DGCR2: variants seen among roughly 807,000 people sequenced by gnomAD.
DGCR2 encodes the protein integral membrane protein DGCR2/IDD.
In DGCR2, 24 loss-of-function variants were observed where a neutral mutation model predicts 51.6. The ratio of observed to expected loss-of-function variants is 0.47; its 90% CI spans 0.34 to 0.65. The LOEUF (loss-of-function observed/expected upper bound fraction) is 0.65. Ranked by LOEUF, DGCR2 falls within the 30% of genes least tolerant of loss-of-function variation. DGCR2 has a pLI of 0.01. For missense variants in DGCR2, 765 were observed against 772.1 expected (o/e 0.99, Z 0.11); for synonymous variants, 340 against 315.4 (o/e 1.08, Z -0.82).
intron 1 of DGCR2, among the ~76,000 whole-genome samples, chr22:19,109,120 C>T (rs2083289172): frequency 6.6e-6 from 1 of 152,134 alleles, no homozygotes; most frequent in Admixed American, 6.5e-5. Flanking sequence ...AGGATAGCCA[C>T]TGTCAAAAAC....
At chr22:19,043,819 C>T (rs895718592) in intron 7 of DGCR2, among the ~76,000 whole-genome samples, 2 of 152,210 alleles carry the variant, frequency 1.3e-5, no homozygotes, top group African/African-American at 4.8e-5. Flanking sequence ...CAGATGGCAG[C>T]GCCAGCTCCT....
chr22:19,098,585 C>T (rs987857451), intron 1 of DGCR2, among the ~76,000 whole-genome samples: 5 of 152,050 alleles, frequency 3.3e-5, no homozygotes, highest in African/African-American at 4.8e-5. Context: ...ATTTTACATA[C>T]ATGTAAATGT....
chr22:19,108,811 C>G (rs2083285792), intron 1 of DGCR2, among the ~76,000 whole-genome samples: 1 of 149,710 alleles, frequency 6.7e-6, no homozygotes, highest in South Asian at 2.1e-4. Flanking sequence ...TGCTTGAGCC[C>G]AGGAGCTCAA....
intron 1 of DGCR2, among the ~76,000 whole-genome samples, chr22:19,112,136 G>C (rs1476192021): frequency 6.6e-6 from 1 of 151,894 alleles, no homozygotes; most frequent in Non-Finnish European, 1.5e-5. Context: ...ATCTGGGCGT[G>C]GTGGCACGCA....
At chr22:19,114,912 G>A (rs2083357602) in intron 1 of DGCR2, among the ~76,000 whole-genome samples, 1 of 152,192 alleles carries the variant, frequency 6.6e-6, no homozygotes, top group South Asian at 2.1e-4. Flanking sequence ...ACAGCTGAAG[G>A]ATGACAGACT....
At position 19,111,705 on chromosome 22, in the gene DGCR2, G is replaced by A. The variant is rs114414098; in HGVS notation, c.79+10423C>T. On this transcript the variant is annotated intron_variant, in intron 1 of 9. Transcript: ENST00000263196. ...CACTGCATACCCAAAGACTATCAGA[G>A]CACGAACCCAAGCTATCGGATGGAG... is the stretch of plus-strand genomic sequence containing the variant. Among the ~76,000 whole-genome samples the A allele has an allele frequency of 3.7e-3, 570 of 152,256 alleles. 2 individuals carry two copies. Among genetic ancestry groups the A allele is most frequent in the African/African-American group, 0.013 (547 of 41,528 alleles).
chr22:19,050,580 T>C (rs1424038751), intron 6 of DGCR2, among the ~76,000 whole-genome samples: 1 of 152,234 alleles, frequency 6.6e-6, no homozygotes, highest in Non-Finnish European at 1.5e-5. Context: ...ATGCATAGTT[T>C]TCCTCCTTTA....
intron 7 of DGCR2, among the ~76,000 whole-genome samples, chr22:19,042,283 G>A (rs1227960114): frequency 2.0e-5 from 3 of 152,166 alleles, no homozygotes; most frequent in Non-Finnish European, 2.9e-5. Flanking sequence ...AGGAGGCTGC[G>A]CTCATGTGCT....
At chr22:19,106,074 G>A (rs893107832) in intron 1 of DGCR2, among the ~76,000 whole-genome samples, 8 of 152,066 alleles carry the variant, frequency 5.3e-5, no homozygotes, top group East Asian at 1.9e-4. Flanking sequence ...TTGGAAAGAC[G>A]CCCCAGAGAT....
intron 6 of DGCR2, among the ~76,000 whole-genome samples, chr22:19,048,984 G>A (rs552129892): frequency 2.0e-5 from 3 of 152,354 alleles, no homozygotes; most frequent in South Asian, 4.1e-4. Flanking sequence ...GAATGCCATG[G>A]ATCTCTGGCC....
chr22:19,057,263 AG>A lies in DGCR2; in HGVS notation c.626-102del, dbSNP rs2082614381. The A allele has an allele frequency of 3.5e-5, 46 of 1,308,712 alleles. 3 individuals carry two copies. In the South Asian group the frequency reaches 7.0e-4, roughly 20 times the overall value. 81.1% of individuals were successfully genotyped at this position (1,308,712 alleles called of 1,614,324 possible). A position where few individuals can be genotyped will look rare whatever the true frequency, so the allele number is the denominator to read the frequency against. ...GGCGTCAGACAGGATCATCAACCAC[AG>A]GGCCTGGACCGCCAAGTACTGGTGG... On this transcript the variant is annotated intron_variant, in intron 5 of 9. Transcript: ENST00000263196. This position sits in a 1 kb window ranked among gnomAD's most constrained non-coding sequence, Gnocchi z 5.1.
Position 19,089,560 on chromosome 22 carries a change from G to A in DGCR2, c.80-70C>T, listed in dbSNP as rs2083056052. 9.4e-6 allele frequency: 13 copies of A among 1,386,714 alleles called. No individual in the cohort carries two copies. The South Asian group carries it at 2.0e-4, about 21-fold the overall frequency. The allele number at this position is 1,386,714 out of a possible 1,614,324, so 85.9% of individuals were successfully genotyped here. On this transcript the variant is annotated intron_variant, in intron 1 of 9. Coordinates refer to ENST00000263196, the MANE Select transcript of DGCR2 (RefSeq NM_005137.3). ...GCCAGCAAACCATAGCCCATGGGCT[G>A]GATCAATCTCTTCCCATTTGTTTGT...
At chr22:19,050,208 A>G (rs2082534682) in intron 6 of DGCR2, among the ~76,000 whole-genome samples, 1 of 152,268 alleles carries the variant, frequency 6.6e-6, no homozygotes, top group East Asian at 1.9e-4. Context: ...AGTGAAAGAC[A>G]AGGCGAAAAT....
intron 5 of DGCR2, among the ~76,000 whole-genome samples, chr22:19,062,325 C>T (rs2082672863): frequency 6.6e-6 from 1 of 152,204 alleles, no homozygotes; most frequent in Non-Finnish European, 1.5e-5. Flanking sequence ...CTGCTCCTGC[C>T]CTGTCCCAGC....
chr22:19,043,105 T>C (rs938422513), intron 7 of DGCR2, among the ~76,000 whole-genome samples: 3 of 152,214 alleles, frequency 2.0e-5, no homozygotes, highest in Admixed American at 6.5e-5. Context: ...GGAGGGGCCA[T>C]GAAGCTTGAA....
chr22:19,067,102 G>A (rs543829002), intron 3 of DGCR2, among the ~76,000 whole-genome samples: 1 of 152,176 alleles, frequency 6.6e-6, no homozygotes, highest in African/African-American at 2.4e-5. Context: ...GTTGGTGGGG[G>A]TTCTGCCAGA....
chr22:19,089,936 CT>C (rs958230050), intron 1 of DGCR2, among the ~76,000 whole-genome samples: 2 of 152,210 alleles, frequency 1.3e-5, no homozygotes, highest in African/African-American at 4.8e-5. Context: ...TATGTATTGT[CT>C]ATGGCTGCTT....
At chr22:19,041,586 C>G in intron 8 of DGCR2, 2 of 616,342 alleles carry the variant, frequency 3.2e-6, no homozygotes, top group Non-Finnish European at 5.6e-6. Context: ...GCCTCTGACC[C>G]TCAGAGGCCT....
Position 19,089,505 on chromosome 22 carries a change from G to T in DGCR2, c.80-15C>A. ...GCACCGCAGCTCTGTGGGACCAAAG[G>T]GTGAGAGGCCATTGAGGAAGTGGCA... On this transcript the variant is annotated splice_polypyrimidine_tract_variant and intron_variant, in intron 1 of 9. Transcript: ENST00000263196. 1 of 1,544,032 alleles carries T rather than the reference G, an allele frequency of 6.5e-7. No individual in the cohort carries two copies. Among genetic ancestry groups the T allele is most frequent in the Non-Finnish European group, 8.8e-7 (1 of 1,138,312 alleles).
Sources: gnomAD v4.1 joint callset for allele counts (sites outside exome capture counted in the v4.1 genomes callset) on GRCh38, gnomAD v4.1.1 for gene constraint, Gnocchi (gnomAD v3.1) non-coding constraint, MANE v1.5 for transcripts, NCBI Gene and HGNC (gene_info 2026-07-23, HGNC 2026-07-21) for gene names.